The following UBTD1 variants were observed in gnomAD, a reference collection of about 807,000 sequenced individuals.
UBTD1 encodes the protein ubiquitin domain containing 1.
Under a neutral mutation model 21.7 loss-of-function variants are expected in UBTD1, and 19 were observed. That is an observed-to-expected ratio of 0.87 (90% CI 0.61 to 1.28). The LOEUF (loss-of-function observed/expected upper bound fraction) is 1.28, where lower values mean the gene tolerates loss of function less well. Ranked by LOEUF, UBTD1 falls within the 50% of genes most tolerant of loss-of-function variation. The probability of loss-of-function intolerance (pLI) is 0.00; values close to 1 mark genes in which losing one functional copy is unlikely to be tolerated. For missense variants in UBTD1, 282 were observed against 315.1 expected (o/e 0.89, Z 0.80); for synonymous variants, 116 against 135.1 (o/e 0.86, Z 0.98).
rs74232155 is a variant in UBTD1 at position 97,560,597 on chromosome 10, A to G, written c.71-7317A>G. ...TGGCTTACAGGTTACCTTGTGTCATACCTTTGAAACAAGGGACCTGTCCAG... is the reference window on the plus strand; with the variant it reads ...TGGCTTACAGGTTACCTTGTGTCATGCCTTTGAAACAAGGGACCTGTCCAG... On this transcript the variant is annotated intron_variant, in intron 1 of 2. Coordinates refer to ENST00000370664, the MANE Select transcript of UBTD1 (RefSeq NM_024954.5). Among the ~76,000 whole-genome samples the G allele has an allele frequency of 5.0e-3, 760 of 152,208 alleles. 14 individuals carry two copies. In the East Asian group the frequency reaches 0.078, roughly 16 times the overall value.
intron 1 of UBTD1, among the ~76,000 whole-genome samples, chr10:97,532,431 A>G (rs1282292465): frequency 2.6e-5 from 4 of 151,266 alleles, no homozygotes; most frequent in Non-Finnish European, 5.9e-5. Context: ...GGATCTCCCG[A>G]GGTCAGGAGT....
intron 1 of UBTD1, among the ~76,000 whole-genome samples, chr10:97,531,466 G>A (rs2040531767): frequency 6.6e-6 from 1 of 152,052 alleles, no homozygotes; most frequent in Non-Finnish European, 1.5e-5. Context: ...GGCCAGGCAG[G>A]TCTCAAACTC....
chr10:97,534,215 C>A (rs545955048), intron 1 of UBTD1, among the ~76,000 whole-genome samples: 15 of 152,336 alleles, frequency 9.8e-5, no homozygotes, highest in African/African-American at 3.1e-4. Context: ...CCAGAGCTCT[C>A]ACCACCTCCC....
At chr10:97,530,034 C>G (rs996828695) in intron 1 of UBTD1, among the ~76,000 whole-genome samples, 1 of 152,208 alleles carries the variant, frequency 6.6e-6, no homozygotes, top group Admixed American at 6.5e-5. Flanking sequence ...ACGTGTCCCC[C>G]TGATTCCTGT....
At chr10:97,500,949 T>C (rs1198840899) in intron 1 of UBTD1, among the ~76,000 whole-genome samples, 1 of 152,268 alleles carries the variant, frequency 6.6e-6, no homozygotes, top group Non-Finnish European at 1.5e-5. Flanking sequence ...CATCGCTCCC[T>C]GTCCACCAGC....
intron 1 of UBTD1, among the ~76,000 whole-genome samples, chr10:97,551,700 G>A (rs2040638210): frequency 1.3e-5 from 2 of 152,056 alleles, no homozygotes; most frequent in South Asian, 2.1e-4. Flanking sequence ...CACCACCGTC[G>A]GCTCCCCAAA....
chr10:97,500,031 C>T (rs1371325252), intron 1 of UBTD1, among the ~76,000 whole-genome samples: 1 of 152,204 alleles, frequency 6.6e-6, no homozygotes, highest in Non-Finnish European at 1.5e-5. Context: ...ACACTCACTT[C>T]CTTCTTTGAG....
At chr10:97,546,633 C>G (rs1376959747) in intron 1 of UBTD1, among the ~76,000 whole-genome samples, 1 of 149,890 alleles carries the variant, frequency 6.7e-6, no homozygotes, top group East Asian at 2.0e-4. Flanking sequence ...GGCACGCAGT[C>G]AGGTGTGGAT....
chr10:97,504,562 G>A (rs1300818214), intron 1 of UBTD1, among the ~76,000 whole-genome samples: 2 of 152,088 alleles, frequency 1.3e-5, no homozygotes, highest in Non-Finnish European at 2.9e-5. Flanking sequence ...TCGGCATTAT[G>A]TACCTCCCTT....
chr10:97,532,421 G>A (rs974797650), intron 1 of UBTD1, among the ~76,000 whole-genome samples: 5 of 152,176 alleles, frequency 3.3e-5, no homozygotes, highest in South Asian at 2.1e-4. Flanking sequence ...CGAGGCAGGC[G>A]GATCTCCCGA....
At chr10:97,562,698 A>G (rs189483025) in intron 1 of UBTD1, among the ~76,000 whole-genome samples, 3 of 152,316 alleles carry the variant, frequency 2.0e-5, no homozygotes, top group Non-Finnish European at 4.4e-5. Flanking sequence ...AGGGGCAGGA[A>G]CAAATCACAA....
intron 1 of UBTD1, among the ~76,000 whole-genome samples, chr10:97,519,462 AT>A (rs986116880): frequency 6.6e-5 from 10 of 152,090 alleles, no homozygotes; most frequent in African/African-American, 1.9e-4. Context: ...ATGCCCCAAG[AT>A]GCCTGTTCTA....
intron 1 of UBTD1, among the ~76,000 whole-genome samples, chr10:97,522,478 C>G (rs1015855719): frequency 1.3e-5 from 2 of 152,158 alleles, no homozygotes; most frequent in African/African-American, 4.8e-5. Context: ...CCTGTTATAG[C>G]TCTTGGGGTT....
At chr10:97,529,581 G>A (rs2040517657) in intron 1 of UBTD1, among the ~76,000 whole-genome samples, 1 of 125,896 alleles carries the variant, frequency 7.9e-6, no homozygotes, top group South Asian at 2.9e-4. Flanking sequence ...GGCCATCACA[G>A]CGAAACCCCG....
intron 1 of UBTD1, among the ~76,000 whole-genome samples, chr10:97,567,442 C>T (rs1030577725): frequency 6.7e-5 from 10 of 149,414 alleles, no homozygotes; most frequent in Admixed American, 1.3e-4. Flanking sequence ...GGGTGGATCA[C>T]GAGGTCAGGA....
At chr10:97,530,049 A>G (rs76898078) in intron 1 of UBTD1, among the ~76,000 whole-genome samples, 4,389 of 152,206 alleles carry the variant, frequency 0.029, 90 homozygotes, top group Non-Finnish European at 0.047. Context: ...TCCTGTGCAT[A>G]TCACTCCCCT....
At chr10:97,508,889 T>C (rs926896573) in intron 1 of UBTD1, among the ~76,000 whole-genome samples, 3 of 152,172 alleles carry the variant, frequency 2.0e-5, no homozygotes, top group African/African-American at 4.8e-5. Context: ...AATGCAAATA[T>C]TGTTGTTTCC....
At chr10:97,510,687 A>G (rs1263352829) in intron 1 of UBTD1, among the ~76,000 whole-genome samples, 2 of 152,132 alleles carry the variant, frequency 1.3e-5, no homozygotes, top group Admixed American at 1.3e-4. Flanking sequence ...AGTGAAGTTC[A>G]TGTGCAAAAC....
chr10:97,524,472 T>C (rs565314210), intron 1 of UBTD1, among the ~76,000 whole-genome samples: 1 of 152,222 alleles, frequency 6.6e-6, no homozygotes, highest in African/African-American at 2.4e-5. Flanking sequence ...TCCCAAATCG[T>C]AGGGGTTGGC....
Sources: allele counts gnomAD v4.1 joint callset (sites outside exome capture counted in the v4.1 genomes callset), GRCh38; gene constraint gnomAD v4.1.1; transcripts MANE v1.5; gene names NCBI Gene and HGNC (gene_info 2026-07-23, HGNC 2026-07-21).